The following SGPP2 variants were observed in gnomAD, a reference collection of about 807,000 sequenced individuals.
The protein encoded by SGPP2 is sphingosine 1-phosphate phosphohydrolase 2.
In SGPP2, 30 loss-of-function variants were observed where a neutral mutation model predicts 33.9. The observed-to-expected ratio is 0.89, with a 90% confidence interval of 0.66 to 1.20. The LOEUF (loss-of-function observed/expected upper bound fraction) is 1.20, where lower values mean the gene tolerates loss of function less well. Among genes scored for constraint, SGPP2 ranks in the 50% most tolerant of loss-of-function variants. The probability of loss-of-function intolerance (pLI) is 0.00; values close to 1 mark genes in which losing one functional copy is unlikely to be tolerated. For missense variants in SGPP2, 458 were observed against 532.1 expected, an observed-to-expected ratio of 0.86 and a Z score of 1.37; for synonymous variants, 233 against 225.0, an observed-to-expected ratio of 1.04 and a Z score of -0.32.
In SGPP2 at chr2:222,558,685, A is replaced by G. The variant is rs139018838; in HGVS notation, c.987A>G (p.Ala329=). 82 of 1,614,180 alleles carry G rather than the reference A, an allele frequency of 5.1e-5. 1 individual carries two copies. In the East Asian group the frequency reaches 1.8e-3, roughly 36 times the overall value. The change falls in exon 5 of 5, where the codon GCA becomes GCG. Residue 329 remains alanine, a synonymous_variant. Coordinates refer to ENST00000321276, the MANE Select transcript of SGPP2 (RefSeq NM_152386.4). ...YMLVLGLTKF[A]VGIVLILLVR... ...TAGTTTTGGGTCTGACCAAATTTGC[A>G]GTGGGAATTGTGTTGATCCTCTTGG...
In SGPP2 at chr2:222,476,714, A is replaced by G. The variant is rs1394340862; in HGVS notation, c.378+1988A>G. On this transcript the variant is annotated intron_variant, in intron 2 of 4. Coordinates refer to ENST00000321276, the MANE Select transcript of SGPP2 (RefSeq NM_152386.4). This position sits in a 1 kb window ranked among gnomAD's most constrained non-coding sequence, Gnocchi z 4.3. ...GTGCGTGTGTAAGGTATAACTGTAT[A>G]TATATGTATGTGTGTATATAGGTGT... 1.3e-5 allele frequency among the ~76,000 whole-genome samples: 2 copies of G among 151,850 alleles called. No individual in the cohort carries two copies. Among genetic ancestry groups the G allele is most frequent in the African/African-American group, 4.8e-5 (2 of 41,308 alleles).
At chr2:222,535,656 T>C (rs574799883) in intron 4 of SGPP2, among the ~76,000 whole-genome samples, 2 of 152,326 alleles carry the variant, frequency 1.3e-5, no homozygotes, top group East Asian at 3.9e-4. Context: ...TCTGCCGCAG[T>C]GGAGAAACCA....
chr2:222,485,002 T>C (rs1348411983), intron 2 of SGPP2, among the ~76,000 whole-genome samples: 2 of 152,232 alleles, frequency 1.3e-5, no homozygotes, highest in Non-Finnish European at 2.9e-5. Flanking sequence ...CTCCGCTACA[T>C]GTACAAGTAC....
chr2:222,537,485 G>C, intron 4 of SGPP2, among the ~76,000 whole-genome samples: 1 of 152,112 alleles, frequency 6.6e-6, no homozygotes, highest in Non-Finnish European at 1.5e-5. Flanking sequence ...TATGTATAGA[G>C]ATATGAAGGA....
chr2:222,479,124 A>G (rs1697991511), intron 2 of SGPP2, among the ~76,000 whole-genome samples: 1 of 152,198 alleles, frequency 6.6e-6, no homozygotes, highest in African/African-American at 2.4e-5. Context: ...TAACTTGCCC[A>G]AGATCACACT....
At position 222,518,688 on chromosome 2, in the gene SGPP2, G is replaced by GAGT. The variant is rs572803477; in HGVS notation, c.379-3075_379-3073dup. Among the ~76,000 whole-genome samples, 527 of 152,312 alleles carry GAGT rather than the reference G, an allele frequency of 3.5e-3. 3 individuals are homozygous for GAGT. The highest frequency in any genetic ancestry group is 5.4e-3 in the Non-Finnish European group (368 of 68,028). On this transcript the variant is annotated intron_variant, in intron 2 of 4. Coordinates refer to ENST00000321276, the MANE Select transcript of SGPP2 (RefSeq NM_152386.4). ...AAAAAGAGTGAGCTGATTTCCAGGAGAGTAGTTCCTGGTGGTTAAGTGGAT... is the reference window on the plus strand; with the variant it reads ...AAAAAGAGTGAGCTGATTTCCAGGAGAGTAGTAGTTCCTGGTGGTTAAGTGGAT...
intron 1 of SGPP2, among the ~76,000 whole-genome samples, chr2:222,466,471 G>A (rs1042155638): frequency 6.6e-6 from 1 of 151,966 alleles, no homozygotes; most frequent in Non-Finnish European, 1.5e-5. Flanking sequence ...TGTTAGCCAG[G>A]ATGGTCTCGA....
intron 1 of SGPP2, among the ~76,000 whole-genome samples, chr2:222,470,120 T>TG (rs1200976886): frequency 4.6e-5 from 7 of 151,232 alleles, no homozygotes; most frequent in Non-Finnish European, 7.4e-5. Context: ...GTCAGCGGGG[T>TG]GGGGGGCAAG....
chr2:222,469,297 C>T (rs1697802837), intron 1 of SGPP2, among the ~76,000 whole-genome samples: 1 of 152,214 alleles, frequency 6.6e-6, no homozygotes, highest in African/African-American at 2.4e-5. Context: ...CAATTCTCTG[C>T]CTCAGCCTCC....
intron 2 of SGPP2, among the ~76,000 whole-genome samples, chr2:222,483,646 G>A (rs1310050793): frequency 6.6e-6 from 1 of 152,206 alleles, no homozygotes; most frequent in African/African-American, 2.4e-5. Context: ...AAACAGACTA[G>A]TGTGTTTTGG....
At chr2:222,440,829 C>T (rs1485451867) in intron 1 of SGPP2, among the ~76,000 whole-genome samples, 1 of 151,992 alleles carries the variant, frequency 6.6e-6, no homozygotes, top group East Asian at 1.9e-4. Flanking sequence ...AGAACATCAG[C>T]TTTCAGCCTA....
At chr2:222,424,936 TGACCCGGCTCCCGCCGCTGC>T in intron 1 of SGPP2, 115 bp downstream of exon 1, 1 of 849,638 alleles carries the variant, frequency 1.2e-6, no homozygotes, top group Non-Finnish European at 1.6e-6. Flanking sequence ...TCCCCGGCAG[TGACCCGGCTCCCGCCGCTGC>T]GAGCGGACGG....
chr2:222,433,019 AAAAG>A (rs1471267075), intron 1 of SGPP2, among the ~76,000 whole-genome samples: 238 of 145,882 alleles, frequency 1.6e-3, no homozygotes, highest in African/African-American at 4.9e-3. Context: ...GAAACTCTGA[AAAAG>A]AAAGAAAGAG....
chr2:222,432,245 G>T (rs1697168544), intron 1 of SGPP2, among the ~76,000 whole-genome samples: 1 of 152,198 alleles, frequency 6.6e-6, no homozygotes, highest in South Asian at 2.1e-4. Context: ...AGTGATGTTA[G>T]ATTCAAGCAG....
intron 4 of SGPP2, among the ~76,000 whole-genome samples, chr2:222,543,109 T>C (rs932178699): frequency 6.6e-6 from 1 of 152,230 alleles, no homozygotes; most frequent in South Asian, 2.1e-4. Context: ...ATTTACCTTA[T>C]GGTTACAACT....
At chr2:222,527,928 CT>C (rs1698784266) in intron 4 of SGPP2, among the ~76,000 whole-genome samples, 3 of 152,236 alleles carry the variant, frequency 2.0e-5, no homozygotes, top group South Asian at 2.1e-4. Context: ...TCTGGGAGCT[CT>C]TGTGGTAAAG....
intron 1 of SGPP2, among the ~76,000 whole-genome samples, chr2:222,446,537 T>A (rs1371102279): frequency 6.6e-6 from 1 of 152,186 alleles, no homozygotes; most frequent in African/African-American, 2.4e-5. Context: ...AAAAGTATGG[T>A]TTTCCAGCTT....
At chr2:222,458,158 C>T (rs546300647) in intron 1 of SGPP2, among the ~76,000 whole-genome samples, 1 of 152,130 alleles carries the variant, frequency 6.6e-6, no homozygotes, top group Non-Finnish European at 1.5e-5. Context: ...AAGTGATCCT[C>T]CCACCTCAGC....
intron 2 of SGPP2, 93 bp downstream of exon 2, chr2:222,474,819 T>TC: frequency 1.2e-6 from 1 of 860,812 alleles, no homozygotes; most frequent in Non-Finnish European, 1.6e-6. Flanking sequence ...TCTTTCTTTT[T>TC]TTTTTTTTTT....
Sources: allele counts gnomAD v4.1 joint callset (sites outside exome capture counted in the v4.1 genomes callset), GRCh38; gene constraint gnomAD v4.1.1; non-coding constraint Gnocchi (gnomAD v3.1); transcripts MANE v1.5; gene names NCBI Gene and HGNC (gene_info 2026-07-23, HGNC 2026-07-21).